PPP2R5C: variants seen among roughly 807,000 people sequenced by gnomAD.
PPP2R5C encodes serine/threonine-protein phosphatase 2A 56 kDa regulatory subunit gamma isoform.
A neutral mutation model predicts 68.9 loss-of-function variants in PPP2R5C; 7 were observed. The observed-to-expected ratio is 0.10, with a 90% CI of 0.06 to 0.19. The LOEUF (loss-of-function observed/expected upper bound fraction) is 0.19, where lower values mean the gene tolerates loss of function less well. Among genes scored for constraint, PPP2R5C ranks in the 10% least tolerant of loss-of-function variants. The pLI, the probability that PPP2R5C is intolerant of heterozygous loss-of-function variation, is 1.00. For synonymous variants in PPP2R5C, 210 were observed against 222.2 expected (o/e 0.95, Z 0.49); for missense variants, 348 against 641.3 (o/e 0.54, Z 4.94).
At chr14:101,776,321 G>A (rs180830590) in intron 2 of PPP2R5C, among the ~76,000 whole-genome samples, 479 of 152,234 alleles carry the variant, frequency 3.1e-3, no homozygotes, top group Non-Finnish European at 5.3e-3. Context: ...AGAAGAGGGC[G>A]AAAGGGGAAG....
chr14:101,790,501 C>T (rs1396831705), intron 3 of PPP2R5C, among the ~76,000 whole-genome samples: 1 of 152,176 alleles, frequency 6.6e-6, no homozygotes, highest in Non-Finnish European at 1.5e-5. Context: ...TTCATATAAG[C>T]GAAGTCATAC....
chr14:101,813,934 TA>T lies in PPP2R5C; in HGVS notation c.94+3903del, dbSNP rs2039511603. Among the ~76,000 whole-genome samples the T allele has an allele frequency of 4.6e-5, 7 of 152,186 alleles. No individual in the cohort carries two copies. In the South Asian group the frequency reaches 1.4e-3, roughly 32 times the overall value. ...TTGTTGAAGGTCTTCACCTTTCCAA[TA>T]AAAACTCATTAAAAAACATGCAAGA... On this transcript the variant is annotated intron_variant, in intron 1 of 13. Transcript: ENST00000334743.
chr14:101,924,172 T>C (rs763976856), intron 13 of PPP2R5C, among the ~76,000 whole-genome samples: 68 of 152,302 alleles, frequency 4.5e-4, no homozygotes, highest in Middle Eastern at 3.4e-3. Context: ...TTAAACTGAA[T>C]TATGTGTTTA....
chr14:101,918,083 G>C, intron 13 of PPP2R5C, 136 bp downstream of exon 15: 2 of 1,235,646 alleles, frequency 1.6e-6, no homozygotes, highest in Non-Finnish European at 2.2e-6. Flanking sequence ...TAGTCTTATA[G>C]GAAACATTGT....
chr14:101,885,631 C>A (rs1290168391), intron 5 of PPP2R5C, among the ~76,000 whole-genome samples: 1 of 152,244 alleles, frequency 6.6e-6, no homozygotes, highest in African/African-American at 2.4e-5. Context: ...GTGTGGCTTT[C>A]CTTTGAACTC....
chr14:101,872,241 T>TTTTTTTTA (rs2043471230), intron 2 of PPP2R5C, among the ~76,000 whole-genome samples: 1 of 146,030 alleles, frequency 6.8e-6, no homozygotes, highest in African/African-American at 2.6e-5. Context: ...TTTTTTTTTT[T>TTTTTTTTA]GAGACAGGGT....
rs913458904 is a variant in PPP2R5C at position 101,781,995 on chromosome 14, C to T, written c.94-4023C>T. Among the ~76,000 whole-genome samples, 4 of 150,936 alleles carry T rather than the reference C, an allele frequency of 2.7e-5. No individual in the cohort carries two copies. The highest frequency in any genetic ancestry group is 5.9e-5 in the Non-Finnish European group (4 of 67,540). ...CCTCGCCCTCTCTCTCTCCTTCCCT[C>T]ATTCCCTTCATCCTTCTCTCCCTGT... On this transcript the variant is annotated intron_variant, in intron 2 of 14. Transcript: ENST00000328724. This position sits in a 1 kb window ranked among gnomAD's most constrained non-coding sequence, Gnocchi z 6.4.
At chr14:101,763,051 A>G in intron 2 of PPP2R5C, 81 bp downstream of exon 2, 1 of 1,227,362 alleles carries the variant, frequency 8.1e-7, no homozygotes, top group Non-Finnish European at 1.1e-6. Flanking sequence ...GATAAAGCCT[A>G]GAATCTTCTA....
At chr14:101,822,091 C>T (rs1012641453) in intron 1 of PPP2R5C, among the ~76,000 whole-genome samples, 1 of 116,072 alleles carries the variant, frequency 8.6e-6, no homozygotes, top group African/African-American at 3.9e-5. Flanking sequence ...CCCCCCCCCA[C>T]ACACACACAT....
Position 101,888,774 on chromosome 14 carries a change from T to C in PPP2R5C, c.630-1463T>C, listed in dbSNP as rs1280120661. ...GCCCGGCTAATTTTTATATATTTAG[T>C]AGAGGTGGAGTTTTGCCATGTTGGC... On this transcript the variant is annotated intron_variant, in intron 5 of 13. Coordinates refer to ENST00000334743, the Ensembl canonical transcript of PPP2R5C. This position sits in a 1 kb window ranked among gnomAD's most constrained non-coding sequence, Gnocchi z 5.6. Among the ~76,000 whole-genome samples the C allele has an allele frequency of 1.3e-5, 2 of 152,126 alleles. No homozygotes were observed. Among genetic ancestry groups the C allele is most frequent in the Admixed American group, 6.6e-5 (1 of 15,262 alleles).
chr14:101,796,777 C>T (rs561123708), intron 3 of PPP2R5C: 20 of 191,170 alleles, frequency 1.0e-4, no homozygotes, highest in African/African-American at 4.5e-4. Flanking sequence ...GCTGTAATCT[C>T]GGCTCATTAC....
At chr14:101,895,140 G>A (rs2045229083) in intron 8 of PPP2R5C, among the ~76,000 whole-genome samples, 1 of 151,986 alleles carries the variant, frequency 6.6e-6, no homozygotes, top group Non-Finnish European at 1.5e-5. Flanking sequence ...ATTAAAATAG[G>A]CTATCATAGC....
At chr14:101,860,482 T>C (rs1007693356) in intron 2 of PPP2R5C, among the ~76,000 whole-genome samples, 4 of 152,252 alleles carry the variant, frequency 2.6e-5, no homozygotes, top group African/African-American at 9.6e-5. Context: ...CTGTTATGAA[T>C]GACTGTTGTG....
chr14:101,869,871 C>G (rs895945074), intron 2 of PPP2R5C, among the ~76,000 whole-genome samples: 5 of 152,034 alleles, frequency 3.3e-5, no homozygotes, highest in African/African-American at 7.2e-5. Flanking sequence ...AAGCTGGTCT[C>G]GAACTCCTGA....
At chr14:101,867,637 G>A (rs1216720209) in intron 2 of PPP2R5C, among the ~76,000 whole-genome samples, 3 of 151,946 alleles carry the variant, frequency 2.0e-5, no homozygotes, top group Non-Finnish European at 4.4e-5. Flanking sequence ...AATTAGCCAG[G>A]CATGGTGGCG....
At position 101,917,130 on chromosome 14, in the gene PPP2R5C, G is replaced by A. The variant is rs933800412; in HGVS notation, c.1327-701G>A. Among the ~76,000 whole-genome samples the A allele has an allele frequency of 8.5e-5, 13 of 152,122 alleles. No homozygotes were observed. The highest frequency in any genetic ancestry group is 2.9e-4 in the African/African-American group (12 of 41,510). Reference sequence around the variant, plus strand: ...CACCCTCCGGGGTGACCTTACCCCCGCACTACACTCATGGAAATGGAGTCA... The same window carrying A: ...CACCCTCCGGGGTGACCTTACCCCCACACTACACTCATGGAAATGGAGTCA... On this transcript the variant is annotated intron_variant, in intron 12 of 13. Coordinates refer to ENST00000334743, the Ensembl canonical transcript of PPP2R5C. The surrounding 1 kb of genome is among the most constrained non-coding windows in gnomAD (Gnocchi z 4.4).
chr14:101,818,408 G>A (rs1433517340), intron 1 of PPP2R5C: 1 of 152,520 alleles, frequency 6.6e-6, no homozygotes, highest in Non-Finnish European at 1.5e-5. Flanking sequence ...GGCCAAGGTG[G>A]GCAGATCACC....
chr14:101,762,768 G>C (rs1195067304), intron 1 of PPP2R5C, 137 bp from the exon 2 acceptor site: 1 of 731,280 alleles, frequency 1.4e-6, no homozygotes, highest in Non-Finnish European at 2.3e-6. Context: ...GTATGATATA[G>C]AATTTCCTAA....
At chr14:101,886,701 T>C (rs562147559) in intron 5 of PPP2R5C, among the ~76,000 whole-genome samples, 32 of 152,252 alleles carry the variant, frequency 2.1e-4, no homozygotes, top group Middle Eastern at 3.4e-3. Flanking sequence ...ATTCAGCTCA[T>C]CTAGGTTTTT....
Sources: allele counts gnomAD v4.1 joint callset (sites outside exome capture counted in the v4.1 genomes callset), GRCh38; gene constraint gnomAD v4.1.1; non-coding constraint Gnocchi (gnomAD v3.1); transcripts MANE v1.5; gene names NCBI Gene and HGNC (gene_info 2026-07-23, HGNC 2026-07-21).